Variants in KDM7A observed in about 807,000 individuals in gnomAD.
KDM7A encodes lysine demethylase 7A.
A neutral mutation model predicts 114.8 loss-of-function variants in KDM7A; 28 were observed. The observed-to-expected ratio is 0.24, with a 90% CI of 0.18 to 0.33. The LOEUF is 0.33. KDM7A is among the 10% of genes least tolerant of loss of function. The pLI is 1.00. For synonymous variants in KDM7A, 423 were observed against 397.8 expected (o/e 1.06, Z -0.75); for missense variants, 942 against 1,142.5 (o/e 0.82, Z 2.53).
intron 1 of KDM7A, among the ~76,000 whole-genome samples, chr7:140,147,305 T>G (rs1794349487): frequency 6.6e-6 from 1 of 152,206 alleles, no homozygotes; most frequent in Non-Finnish European, 1.5e-5. Flanking sequence ...TTAACTGTGC[T>G]GCAAACTTAC....
At chr7:140,160,106 CACTA>C (rs1263692380) in intron 1 of KDM7A, among the ~76,000 whole-genome samples, 1 of 152,130 alleles carries the variant, frequency 6.6e-6, no homozygotes, top group African/African-American at 2.4e-5. Context: ...GCGTGAGCAT[CACTA>C]ACACGATTTA....
intron 1 of KDM7A, among the ~76,000 whole-genome samples, chr7:140,154,996 G>A (rs1020715664): frequency 6.6e-6 from 1 of 152,030 alleles, no homozygotes; most frequent in Non-Finnish European, 1.5e-5. Flanking sequence ...TATCAACACA[G>A]GAGACTAAAA....
chr7:140,157,995 T>TAAATAAATAAATA (rs36113160), intron 1 of KDM7A, among the ~76,000 whole-genome samples: 159 of 139,398 alleles, frequency 1.1e-3, no homozygotes, highest in South Asian at 3.5e-3. Context: ...AATAAATAAA[T>TAAATAAATAAATA]AATAATAATA....
intron 1 of KDM7A, among the ~76,000 whole-genome samples, chr7:140,162,911 A>G (rs541800429): frequency 2.6e-5 from 4 of 152,252 alleles, no homozygotes; most frequent in African/African-American, 9.6e-5. Flanking sequence ...AAAGAATGAG[A>G]TATCTGTACA....
intron 3 of KDM7A, among the ~76,000 whole-genome samples, chr7:140,131,824 G>T (rs1391628693): frequency 6.6e-6 from 1 of 152,060 alleles, no homozygotes; most frequent in Non-Finnish European, 1.5e-5. Flanking sequence ...TTTGCAAGAG[G>T]AAAATCTGGA....
At position 140,145,608 on chromosome 7, in the gene KDM7A, T is replaced by TCC. The variant is rs141219093; in HGVS notation, c.195-6420_195-6419dup. Reference sequence around the variant, plus strand: ...AATAAAACAAGTTCAAAACCAAACTTCCCTGATTTTAAATGCAAGGTTCAT... The same window carrying TCC: ...AATAAAACAAGTTCAAAACCAAACTTCCCCCTGATTTTAAATGCAAGGTTCAT... On this transcript the variant is annotated intron_variant, in intron 1 of 19. Transcript: ENST00000397560. Among the ~76,000 whole-genome samples, 698 of 152,238 alleles carry TCC rather than the reference T, an allele frequency of 4.6e-3. 8 individuals are homozygous for TCC. Among genetic ancestry groups the TCC allele is most frequent in the African/African-American group, 0.015 (642 of 41,528 alleles).
At position 140,089,367 on chromosome 7, in the gene KDM7A, T is replaced by C. The variant is rs1817983145; in HGVS notation, c.*1727A>G. 1 of 152,192 alleles carries C rather than the reference T, an allele frequency of 6.6e-6. No homozygotes were observed. The highest frequency in any genetic ancestry group is 2.4e-5 in the African/African-American group (1 of 41,448). 9.4% of individuals were successfully genotyped at this position (152,192 alleles called of 1,614,324 possible). On this transcript the variant is annotated 3_prime_UTR_variant, in exon 20 of 20. Transcript: ENST00000397560. ...TTTTGGAATGGGGACACAAGAAGTA[T>C]TTCTCTTTGAAAATATACATTTGAA... is the stretch of plus-strand genomic sequence containing the variant.
At chr7:140,144,710 TACACAC>T (rs3030431) in intron 1 of KDM7A, among the ~76,000 whole-genome samples, 2 of 146,322 alleles carry the variant, frequency 1.4e-5, no homozygotes, top group East Asian at 2.0e-4. Context: ...GTCCCCACCA[TACACAC>T]ACACACACAC....
intron 11 of KDM7A, among the ~76,000 whole-genome samples, chr7:140,108,148 C>T (rs1818370427): frequency 1.3e-5 from 2 of 152,134 alleles, no homozygotes; most frequent in Non-Finnish European, 2.9e-5. Flanking sequence ...TTTCTCTGTG[C>T]TGCTTATTCT....
chr7:140,130,851 C>CTTTTTTTTTT, intron 3 of KDM7A, among the ~76,000 whole-genome samples: 1 of 97,240 alleles, frequency 1.0e-5, no homozygotes, highest in African/African-American at 4.2e-5. Flanking sequence ...TTTAATAAGT[C>CTTTTTTTTTT]TTTTTTTTTT....
chr7:140,109,684 C>CATGCA (rs1759132594), intron 11 of KDM7A, among the ~76,000 whole-genome samples: 2 of 152,326 alleles, frequency 1.3e-5, no homozygotes. Flanking sequence ...TTTTCAGCTT[C>CATGCA]AGATATTACT....
chr7:140,155,778 G>A (rs1472015073), intron 1 of KDM7A, among the ~76,000 whole-genome samples: 2 of 152,154 alleles, frequency 1.3e-5, no homozygotes, highest in African/African-American at 4.8e-5. Flanking sequence ...ACTAAGGTCC[G>A]TGATACTTAG....
At chr7:140,162,339 A>G (rs75592147) in intron 1 of KDM7A, among the ~76,000 whole-genome samples, 1 of 50,638 alleles carries the variant, frequency 2.0e-5, no homozygotes, top group African/African-American at 8.0e-5. Context: ...CAGTCTCCCA[A>G]AAAAAAAAAA....
chr7:140,106,899 CATT>C (rs1327208738), intron 11 of KDM7A, among the ~76,000 whole-genome samples: 2 of 152,124 alleles, frequency 1.3e-5, no homozygotes, highest in Non-Finnish European at 2.9e-5. Context: ...TGAAGTCTCC[CATT>C]ATTATTGTGT....
In KDM7A at chr7:140,088,121, A is replaced by C. The variant is rs146757728; in HGVS notation, c.*2973T>G. On this transcript the variant is annotated 3_prime_UTR_variant, in exon 20 of 20. Transcript: ENST00000397560. ...ATTCAAGCTAAGTAATTAGTGATAA[A>C]GATGGGCTTGTTTCCTCTGAGTTTA... 2.6e-4 allele frequency: 45 copies of C among 171,430 alleles called. 2 individuals carry two copies. In the East Asian group the frequency reaches 7.0e-3, roughly 27 times the overall value. 10.6% of individuals were successfully genotyped at this position (171,430 alleles called of 1,614,324 possible).
Position 140,096,960 on chromosome 7 carries a change from C to T in KDM7A, c.2104G>A (p.Val702Met). The change falls in exon 16 of 20, where the codon GTG becomes ATG. Residue 702 changes from valine to methionine, a missense_variant. Physicochemically the swap from Val to Met is conservative, Grantham distance 21. This residue lies in a region of KDM7A where 512 missense variants were observed against 576.6 expected (regional missense o/e 0.89). Transcript: ENST00000397560. The part of the protein sequence containing the change: ...ITSNFKEESN[V>M]MRNFLQKSQK... ...CTCTTTTGAAGGAAGTTCCTCATCA[C>T]ATTAGATTCCTCCTTAAAGTTGGAT... is the stretch of plus-strand genomic sequence containing the variant. 1 of 1,613,474 alleles carries T rather than the reference C, an allele frequency of 6.2e-7. No homozygotes were observed. Among genetic ancestry groups the T allele is most frequent in the South Asian group, 1.1e-5 (1 of 91,066 alleles).
At position 140,148,379 on chromosome 7, in the gene KDM7A, TTTTTG is replaced by T. The variant is rs896110993; in HGVS notation, c.195-9194_195-9190del. On this transcript the variant is annotated intron_variant, in intron 1 of 19. Transcript: ENST00000397560. Reference sequence around the variant, plus strand: ...ACTTCGGGTAACTTACTTTACCTGTTTTTTGTTTTGTTTTGTTTTGTTTTTTGTTT... The same window carrying T: ...ACTTCGGGTAACTTACTTTACCTGTTTTTTGTTTTGTTTTGTTTTTTGTTT... 4.5e-3 allele frequency among the ~76,000 whole-genome samples: 670 copies of T among 149,922 alleles called. 9 individuals carry two copies. Among genetic ancestry groups the T allele is most frequent in the African/African-American group, 0.015 (598 of 40,574 alleles).
At chr7:140,156,671 G>A (rs1236031179) in intron 1 of KDM7A, among the ~76,000 whole-genome samples, 1 of 152,232 alleles carries the variant, frequency 6.6e-6, no homozygotes, top group African/African-American at 2.4e-5. Context: ...GATAATGGCT[G>A]AGGGCTATCC....
intron 2 of KDM7A, among the ~76,000 whole-genome samples, chr7:140,135,443 C>T (rs947761822): frequency 5.9e-5 from 9 of 152,002 alleles, no homozygotes; most frequent in Non-Finnish European, 1.2e-4. Flanking sequence ...CCTTGTGATC[C>T]GCCCACCTTG....
Sources: gnomAD v4.1 joint callset for allele counts (sites outside exome capture counted in the v4.1 genomes callset) on GRCh38, gnomAD v4.1.1 for gene constraint, gnomAD v4.1.1 regional missense constraint, MANE v1.5 for transcripts, NCBI Gene and HGNC (gene_info 2026-07-23, HGNC 2026-07-21) for gene names.